Variants in OR9Q1 observed in about 807,000 individuals in gnomAD.
OR9Q1 encodes olfactory receptor family 9 subfamily Q member 1.
For synonymous variants in OR9Q1, 153 were observed against 148.6 expected (o/e 1.03, Z -0.22); for missense variants, 374 against 378.8 (o/e 0.99, Z 0.11).
rs559940291 is a variant in OR9Q1, at chr11:58,119,190, C to T, written c.-14-60241C>T. 5 of 1,613,942 alleles carry T rather than the reference C, an allele frequency of 3.1e-6. No individual in the cohort carries two copies. In the African/African-American group the frequency reaches 4.0e-5, roughly 13 times the overall value. On this transcript the variant is annotated intron_variant, in intron 2 of 2. Transcript: ENST00000335397. Reference sequence around the variant, plus strand: ...AGGAGATGACCGTTTTGCCTGTGGCCAATGTGGCTAGGATCTGAGGGGTGA... The same window carrying T: ...AGGAGATGACCGTTTTGCCTGTGGCTAATGTGGCTAGGATCTGAGGGGTGA...
chr11:58,086,432 T>C (rs547195733), intron 2 of OR9Q1, among the ~76,000 whole-genome samples: 2 of 152,018 alleles, frequency 1.3e-5, no homozygotes, highest in South Asian at 2.1e-4. Flanking sequence ...ACAGCCATTA[T>C]GGAAAACAGT....
chr11:58,118,099 A>T (rs1853976517), intron 2 of OR9Q1: 1 of 159,030 alleles, frequency 6.3e-6, no homozygotes, highest in Admixed American at 6.2e-5. Flanking sequence ...AGGTCCCCAG[A>T]TATAATCTTT....
At chr11:58,116,812 T>G (rs1419011629) in intron 2 of OR9Q1, 1 of 152,216 alleles carries the variant, frequency 6.6e-6, no homozygotes, top group East Asian at 1.9e-4. Context: ...AATTGTTGTT[T>G]CCATATGGAG....
intron 2 of OR9Q1, among the ~76,000 whole-genome samples, chr11:58,129,705 C>T (rs1367795611): frequency 6.6e-6 from 1 of 152,108 alleles, no homozygotes; most frequent in Non-Finnish European, 1.5e-5. Flanking sequence ...TACCCCATCA[C>T]CAAGACCTTT....
At chr11:58,069,409 A>G (rs1373094558) in intron 2 of OR9Q1, among the ~76,000 whole-genome samples, 1 of 152,042 alleles carries the variant, frequency 6.6e-6, no homozygotes, top group Admixed American at 6.6e-5. Context: ...TCTCAGCTAC[A>G]CCTGAGGAGG....
At chr11:58,142,398 CA>C (rs145169233) in intron 2 of OR9Q1, among the ~76,000 whole-genome samples, 263 of 152,132 alleles carry the variant, frequency 1.7e-3, no homozygotes, top group African/African-American at 5.7e-3. Context: ...GGATGATTTA[CA>C]GGAACTCCTT....
In OR9Q1 at chr11:58,172,148, T is replaced by C. The variant is rs149529889; in HGVS notation, c.-14-7283T>C. On this transcript the variant is annotated intron_variant, in intron 2 of 2. Transcript: ENST00000335397. ...TATTTCCTGTATTTCCTTATATGAT[T>C]AAAAATGTTATATTTTGTTTGAATG... Among the ~76,000 whole-genome samples, 5 of 152,306 alleles carry C rather than the reference T, an allele frequency of 3.3e-5. No individual in the cohort carries two copies. In the East Asian group the frequency reaches 9.7e-4, roughly 29 times the overall value.
chr11:58,124,818 C>T (rs952384954), intron 2 of OR9Q1, among the ~76,000 whole-genome samples: 1 of 152,194 alleles, frequency 6.6e-6, no homozygotes, highest in Non-Finnish European at 1.5e-5. Context: ...TGCTGCTTTT[C>T]CTAATCCTGG....
At chr11:58,031,073 T>A in intron 1 of OR9Q1, 1 of 1,614,050 alleles carries the variant, frequency 6.2e-7, no homozygotes. Context: ...CCTGTTCACC[T>A]TGGTGGAGAA....
chr11:58,101,328 T>C (rs1250027070), intron 2 of OR9Q1, among the ~76,000 whole-genome samples: 2 of 152,198 alleles, frequency 1.3e-5, no homozygotes, highest in Admixed American at 1.3e-4. Flanking sequence ...ATAATGGCTA[T>C]TCTGGCTCTG....
chr11:58,163,957 C>T (rs1468071519), intron 2 of OR9Q1, among the ~76,000 whole-genome samples: 1 of 152,184 alleles, frequency 6.6e-6, no homozygotes, highest in Non-Finnish European at 1.5e-5. Context: ...TGAAGAGAAA[C>T]CTTCTCTTTT....
intron 2 of OR9Q1, among the ~76,000 whole-genome samples, chr11:58,123,472 T>C (rs1426239361): frequency 6.6e-6 from 1 of 152,134 alleles, no homozygotes; most frequent in African/African-American, 2.4e-5. Context: ...AGGTGGCAGA[T>C]TGTTGGGGTG....
At chr11:58,129,543 G>C (rs1048663764) in intron 2 of OR9Q1, among the ~76,000 whole-genome samples, 1 of 151,920 alleles carries the variant, frequency 6.6e-6, no homozygotes, top group South Asian at 2.1e-4. Flanking sequence ...CCTCCCTCTG[G>C]TTTTGATCTC....
At chr11:58,031,966 A>G (rs1193437105) in intron 1 of OR9Q1, 2 of 954,828 alleles carry the variant, frequency 2.1e-6, no homozygotes, top group East Asian at 4.8e-5. Context: ...TTAGTCAATA[A>G]CATTTAAGCT....
chr11:58,126,060 A>G (rs1426971627), intron 2 of OR9Q1, among the ~76,000 whole-genome samples: 1 of 152,158 alleles, frequency 6.6e-6, no homozygotes, highest in Admixed American at 6.5e-5. Flanking sequence ...TCAGGAAGGT[A>G]TGAGTCTGGT....
chr11:58,110,218 CACATTAGTATTAT>C (rs1326127842), intron 2 of OR9Q1, among the ~76,000 whole-genome samples: 2 of 152,164 alleles, frequency 1.3e-5, no homozygotes, highest in Admixed American at 6.6e-5. Flanking sequence ...ATACCTCCTA[CACATTAGTATTAT>C]GCTTGGCTCT....
intron 2 of OR9Q1, among the ~76,000 whole-genome samples, chr11:58,084,590 A>C (rs1311751232): frequency 1.3e-5 from 2 of 151,906 alleles, no homozygotes; most frequent in Non-Finnish European, 2.9e-5. Flanking sequence ...AAGTTAATAC[A>C]CCATGATCAA....
chr11:58,047,799 G>A (rs1038626603), intron 1 of OR9Q1, among the ~76,000 whole-genome samples: 5 of 151,870 alleles, frequency 3.3e-5, no homozygotes, highest in East Asian at 3.9e-4. Context: ...CAGAAGAATC[G>A]CTTGAACTCA....
intron 2 of OR9Q1, among the ~76,000 whole-genome samples, chr11:58,082,770 T>TAA (rs906445727): frequency 0.026 from 2,488 of 95,982 alleles, 51 homozygotes; most frequent in East Asian, 0.076. Flanking sequence ...ATAATAATAA[T>TAA]AAAAAGTTAG....
Sources: gnomAD v4.1 joint callset for allele counts (sites outside exome capture counted in the v4.1 genomes callset) on GRCh38, gnomAD v4.1.1 for gene constraint, MANE v1.5 for transcripts, NCBI Gene and HGNC (gene_info 2026-07-23, HGNC 2026-07-21) for gene names.